Variants in SLC6A6 observed in about 807,000 individuals in gnomAD.
The protein encoded by SLC6A6 is solute carrier family 6 member 6.
SLC6A6 carries 16 observed loss-of-function variants against 68.8 expected under a neutral mutation model. That is an observed-to-expected ratio of 0.23 (90% CI 0.16 to 0.35). SLC6A6 has a LOEUF of 0.35. SLC6A6 is among the 10% of genes least tolerant of loss of function. The pLI is 1.00. For synonymous variants in SLC6A6, 312 were observed against 315.4 expected (o/e 0.99, Z 0.12); for missense variants, 474 against 802.8 (o/e 0.59, Z 4.95).
chr3:14,445,734 T>C lies in SLC6A6; in HGVS notation c.247T>C (p.Tyr83His). ...CTCTGCAGGTGCGTTTCTCATACCG[T>C]ATTTTATTTTCCTGTTTGGGAGCGG... ...KNGGGAFLIP[Y>H]FIFLFGSGLP... Residue 83 changes from tyrosine (Y) to histidine (H), a missense_variant, in exon 4 of 15, where the codon TAT becomes CAT. Physicochemically the swap from Tyr to His is moderately conservative, Grantham distance 83 (BLOSUM62 2). Around this residue, in one of 2 missense-constraint regions of SLC6A6, gnomAD observed 280 missense variants for 533.1 expected, o/e 0.53. Coordinates refer to ENST00000622186, the MANE Select transcript of SLC6A6 (RefSeq NM_003043.6). 1 of 1,614,226 alleles carries C rather than the reference T, an allele frequency of 6.2e-7. No individual in the cohort carries two copies. The highest frequency in any genetic ancestry group is 8.5e-7 in the Non-Finnish European group (1 of 1,180,034).
chr3:14,481,645 T>G lies in SLC6A6; in HGVS notation c.1552-26T>G. ...CACCCCCCGATGCCCAGGACCCCTC[T>G]CCTGACTGCCCCCATCTCTCCGCAG... is the stretch of plus-strand genomic sequence containing the variant. On this transcript the variant is annotated intron_variant, in intron 13 of 14. Transcript: ENST00000622186. This position sits in a 1 kb window ranked among gnomAD's most constrained non-coding sequence, Gnocchi z 4.7. 1 of 1,386,848 alleles carries G rather than the reference T, an allele frequency of 7.2e-7. No individual in the cohort carries two copies. The highest frequency in any genetic ancestry group is 1.0e-6 in the Non-Finnish European group (1 of 992,408). 85.9% of individuals were successfully genotyped at this position (1,386,848 alleles called of 1,614,324 possible).
rs1374878622 is a variant in SLC6A6 at position 14,402,638 on chromosome 3, G to T, written c.-263G>T. ...GCCTGCTCAGACAACAGACACGCGA[G>T]GTCAGGAAGAAGCCGCTTATAAATT... is the stretch of plus-strand genomic sequence containing the variant. On this transcript the variant is annotated 5_prime_UTR_variant, in exon 1 of 15. In the 5' UTR this introduces an upstream ATG that the reference lacks. Coordinates refer to ENST00000622186, the MANE Select transcript of SLC6A6 (RefSeq NM_003043.6). This position sits in a 1 kb window ranked among gnomAD's most constrained non-coding sequence, Gnocchi z 4.8. The T allele has an allele frequency of 2.5e-6, 1 of 398,060 alleles. No individual in the cohort carries two copies. Among genetic ancestry groups the T allele is most frequent in the Non-Finnish European group, 4.4e-6 (1 of 225,730 alleles). 24.7% of individuals were successfully genotyped at this position (398,060 alleles called of 1,614,324 possible). A position where few individuals can be genotyped will look rare whatever the true frequency, so the allele number is the denominator to read the frequency against.
In SLC6A6 at chr3:14,477,445, A is replaced by G. The variant is rs561689640; in HGVS notation, c.1347+103A>G. The stretch of plus-strand genomic sequence containing the variant: ...GGTGAGAGGGCCAGGTAGGGGCTTC[A>G]TCTCCCAGCCCCACCCAATTCAGGG... On this transcript the variant is annotated intron_variant, in intron 11 of 14. Transcript: ENST00000622186. This position sits in a 1 kb window ranked among gnomAD's most constrained non-coding sequence, Gnocchi z 4.2. 1.3e-5 allele frequency: 15 copies of G among 1,187,288 alleles called. No individual in the cohort carries two copies. The Admixed American group carries it at 1.6e-4, about 13-fold the overall frequency. The allele number at this position is 1,187,288 out of a possible 1,614,324, so 73.5% of individuals were successfully genotyped here.
chr3:14,416,361 G>A (rs965423457), intron 1 of SLC6A6, 51 bp from the exon 2 acceptor site: 2 of 398,486 alleles, frequency 5.0e-6, no homozygotes, highest in South Asian at 1.3e-4. Flanking sequence ...TGCACAGTCT[G>A]CCTCTGACCA....
At position 14,447,799 on chromosome 3, in the gene SLC6A6, T is replaced by G; in HGVS notation, c.582T>G (p.Pro194=). 1 of 1,614,160 alleles carries G rather than the reference T, an allele frequency of 6.2e-7. No individual in the cohort carries two copies. Among genetic ancestry groups the G allele is most frequent in the Non-Finnish European group, 8.5e-7 (1 of 1,180,030 alleles). ...TCAGCTCCACCAACTTCACCTCCCCTGTCATCGAGTTCTGGGAGTAAGGCC... is the reference window on the plus strand; with the variant it reads ...TCAGCTCCACCAACTTCACCTCCCCGGTCATCGAGTTCTGGGAGTAAGGCC... ...ITISSTNFTS[P]VIEFWERNVL... is the part of the protein sequence containing the mutation. Residue 194 remains proline (P), a synonymous_variant, in exon 5 of 15, where the codon CCT becomes CCG. Coordinates refer to ENST00000622186, the MANE Select transcript of SLC6A6 (RefSeq NM_003043.6).
In SLC6A6 at chr3:14,472,279, T is replaced by C. The variant is rs1425397943; in HGVS notation, c.1171T>C (p.Phe391Leu). Residue 391 changes from phenylalanine (F) to leucine (L), a missense_variant, in exon 10 of 15, where the codon TTT becomes CTT. Phe to Leu is a conservative substitution (Grantham distance 22, BLOSUM62 0). Coordinates refer to ENST00000622186, the MANE Select transcript of SLC6A6 (RefSeq NM_003043.6). The surrounding 1 kb of genome is among the most constrained non-coding windows in gnomAD (Gnocchi z 4.5). Reference sequence around the variant, plus strand: ...GCTGCCCACATTTTGGTCCATTCTTTTTTTTATTATGCTTCTCTTGCTTGG... The same window carrying C: ...GCTGCCCACATTTTGGTCCATTCTTCTTTTTATTATGCTTCTCTTGCTTGG... ...MPLPTFWSIL[F>L]FIMLLLLGLD... 1 of 1,613,406 alleles carries C rather than the reference T, an allele frequency of 6.2e-7. No individual in the cohort carries two copies.
rs1327944334 is a variant in SLC6A6, at chr3:14,488,387, G to T, written c.*3380G>T. ...CTCCAGCCCACTTCAGGGCACTCTT[G>T]TATCACCCGGGTACCGCCACACTGG... On this transcript the variant is annotated 3_prime_UTR_variant, in exon 15 of 15. Transcript: ENST00000622186. 6.6e-6 allele frequency: 1 copy of T among 152,326 alleles called. No individual in the cohort carries two copies. The highest frequency in any genetic ancestry group is 1.5e-5 in the Non-Finnish European group (1 of 68,174). 9.4% of individuals were successfully genotyped at this position (152,326 alleles called of 1,614,324 possible). A position where few individuals can be genotyped will look rare whatever the true frequency, so the allele number is the denominator to read the frequency against.
At position 14,477,071 on chromosome 3, in the gene SLC6A6, A is replaced by T. The variant is rs900038629; in HGVS notation, c.1210-134A>T. 51 of 812,046 alleles carry T rather than the reference A, an allele frequency of 6.3e-5. No individual in the cohort carries two copies. The highest frequency in any genetic ancestry group is 9.1e-5 in the Non-Finnish European group (46 of 506,454). The allele number at this position is 812,046 out of a possible 1,614,324, so 50.3% of individuals were successfully genotyped here. On this transcript the variant is annotated intron_variant, in intron 10 of 14. Coordinates refer to ENST00000622186, the MANE Select transcript of SLC6A6 (RefSeq NM_003043.6). This position sits in a 1 kb window ranked among gnomAD's most constrained non-coding sequence, Gnocchi z 4.2. ...GGCTTCCACACTTGGACTTGATCTC[A>T]CAGGCCAATTCTGGACACAAGGATG... is the stretch of plus-strand genomic sequence containing the variant.
At position 14,441,725 on chromosome 3, in the gene SLC6A6, T is replaced by C. The variant is rs555741971; in HGVS notation, c.-11-1899T>C. Among the ~76,000 whole-genome samples the C allele has an allele frequency of 1.8e-4, 28 of 152,362 alleles. No individual in the cohort carries two copies. The East Asian group carries it at 4.4e-3, about 24-fold the overall frequency. On this transcript the variant is annotated intron_variant, in intron 2 of 14. Transcript: ENST00000622186. Reference sequence around the variant, plus strand: ...ACACCCCAAGTCCTCAGGCAGCTACTGCCTCACCCTGCCTGCAAGGCCCTG... The same window carrying C: ...ACACCCCAAGTCCTCAGGCAGCTACCGCCTCACCCTGCCTGCAAGGCCCTG...
chr3:14,422,018 T>C (rs1699496226), intron 2 of SLC6A6, among the ~76,000 whole-genome samples: 1 of 152,070 alleles, frequency 6.6e-6, no homozygotes, highest in South Asian at 2.1e-4. Flanking sequence ...TTTTCAGAAA[T>C]GGACAGGGAC....
In SLC6A6 at chr3:14,478,533, C is replaced by G; in HGVS notation, c.1415C>G (p.Ala472Gly). ...AGCGGTGTATGCCTTTTGTGGGTTG[C>G]ATTCTTTGAATGTTTTGTTATTGCC... ...AASGVCLLWV[A>G]FFECFVIAWI... The change falls in exon 12 of 15, where the codon GCA becomes GGA. Residue 472 changes from alanine (A) to glycine (G), a missense_variant. Ala to Gly is a moderately conservative substitution (Grantham distance 60). Around this residue, in one of 2 missense-constraint regions of SLC6A6, gnomAD observed 194 missense variants for 269.8 expected, o/e 0.72. Transcript: ENST00000622186. 6.2e-7 allele frequency: 1 copy of G among 1,612,596 alleles called. No individual in the cohort carries two copies. The highest frequency in any genetic ancestry group is 8.5e-7 in the Non-Finnish European group (1 of 1,178,644).
At chr3:14,421,624 T>C (rs1266825954) in intron 2 of SLC6A6, among the ~76,000 whole-genome samples, 1 of 152,254 alleles carries the variant, frequency 6.6e-6, no homozygotes, top group Non-Finnish European at 1.5e-5. Context: ...CAGAGAAGTC[T>C]GAATATATGC....
intron 1 of SLC6A6, among the ~76,000 whole-genome samples, chr3:14,415,181 C>T (rs910050596): frequency 3.9e-5 from 6 of 152,222 alleles, no homozygotes; most frequent in Admixed American, 1.3e-4. Context: ...GCTTCATGTG[C>T]CCAGTGCAGT....
chr3:14,406,417 A>G (rs1453559686), intron 1 of SLC6A6, among the ~76,000 whole-genome samples: 1 of 152,236 alleles, frequency 6.6e-6, no homozygotes, highest in Non-Finnish European at 1.5e-5. Context: ...CCTGGAGCCC[A>G]GGAGAACCCT....
chr3:14,404,579 G>A (rs1042508033), intron 1 of SLC6A6, among the ~76,000 whole-genome samples: 1 of 152,204 alleles, frequency 6.6e-6, no homozygotes, highest in Non-Finnish European at 1.5e-5. Context: ...CTTGTCCCCA[G>A]GGAACTGATT....
chr3:14,482,201 A>T (rs1701024920), intron 14 of SLC6A6, among the ~76,000 whole-genome samples: 1 of 152,196 alleles, frequency 6.6e-6, no homozygotes, highest in Admixed American at 6.5e-5. Context: ...CTGGGGCTTT[A>T]TCCTGGGACC....
chr3:14,441,612 G>A (rs1699990476), intron 2 of SLC6A6, among the ~76,000 whole-genome samples: 1 of 152,202 alleles, frequency 6.6e-6, no homozygotes, highest in African/African-American at 2.4e-5. Flanking sequence ...GGGGAAACGG[G>A]GGTTTTGTTG....
chr3:14,441,758 G>A (rs1699994083), intron 2 of SLC6A6, among the ~76,000 whole-genome samples: 1 of 152,266 alleles, frequency 6.6e-6, no homozygotes, highest in African/African-American at 2.4e-5. Flanking sequence ...CTGAGGCCAA[G>A]TGACTCGCCT....
At chr3:14,467,414 TG>T (rs1236556514) in intron 7 of SLC6A6, among the ~76,000 whole-genome samples, 1 of 152,126 alleles carries the variant, frequency 6.6e-6, no homozygotes, top group East Asian at 1.9e-4. Context: ...ACAACAATGG[TG>T]GTGACAGCAG....
Sources: allele counts gnomAD v4.1 joint callset (sites outside exome capture counted in the v4.1 genomes callset), GRCh38; gene constraint gnomAD v4.1.1; regional missense constraint gnomAD v4.1.1; non-coding constraint Gnocchi (gnomAD v3.1); transcripts MANE v1.5; gene names NCBI Gene and HGNC (gene_info 2026-07-23, HGNC 2026-07-21).